The following SRSF3 variants were observed in gnomAD, a reference collection of about 807,000 sequenced individuals.
SRSF3 encodes the protein serine and arginine rich splicing factor 3.
For synonymous variants in SRSF3, 87 were observed against 73.6 expected (o/e 1.18, Z -0.93); for missense variants, 58 against 217.1 (o/e 0.27, Z 4.61).
chr6:36,597,831 C>G (rs867861562), intron 2 of SRSF3, among the ~76,000 whole-genome samples: 2 of 142,534 alleles, frequency 1.4e-5, no homozygotes, highest in African/African-American at 5.3e-5. Flanking sequence ...CTACTGTGAG[C>G]TATAATTTCT....
chr6:36,596,700 A>G, intron 1 of SRSF3, 61 bp from the exon 2 acceptor site: 1 of 1,459,542 alleles, frequency 6.9e-7, no homozygotes, highest in Non-Finnish European at 9.6e-7. Context: ...CTTTCTAAGG[A>G]TCTGTGGTTT....
At position 36,599,139 on chromosome 6, in the gene SRSF3, T is replaced by G. The variant is rs545786867; in HGVS notation, c.341+156T>G. Among the ~76,000 whole-genome samples the G allele has an allele frequency of 1.2e-4, 18 of 152,350 alleles. No homozygotes were observed. In the South Asian group the frequency reaches 2.7e-3, roughly 23 times the overall value. On this transcript the variant is annotated intron_variant, in intron 3 of 5. Coordinates refer to ENST00000373715, the MANE Select transcript of SRSF3 (RefSeq NM_003017.5). ...GGTGTAATTTGGGGTATGTGAGTTG[T>G]GCTGAGTGTTGGCTTTTGTCTTTAG... is the stretch of plus-strand genomic sequence containing the variant.
At chr6:36,595,746 TCTTTGGGCTACTGTGA>T (rs1412435663) in intron 1 of SRSF3, among the ~76,000 whole-genome samples, 1 of 152,216 alleles carries the variant, frequency 6.6e-6, no homozygotes, top group African/African-American at 2.4e-5. Context: ...TGGGTTAACA[TCTTTGGGCTACTGTGA>T]ATAAGTGCTA....
intron 3 of SRSF3, 85 bp from the exon 4 acceptor site, chr6:36,601,067 A>G: frequency 9.5e-7 from 1 of 1,049,208 alleles, no homozygotes; most frequent in Non-Finnish European, 1.3e-6. Flanking sequence ...CACTGGGCCC[A>G]ACAGTGAGAT....
rs909943055 is a variant in SRSF3, at chr6:36,602,836, G to T, written c.*847G>T. On this transcript the variant is annotated 3_prime_UTR_variant, in exon 6 of 6. Transcript: ENST00000373715. ...CTCAAATCTGTGAGCTTGGTACCAAGTCCAGGTATAACATTCCTATTGGAA... is the reference window on the plus strand; with the variant it reads ...CTCAAATCTGTGAGCTTGGTACCAATTCCAGGTATAACATTCCTATTGGAA... The T allele has an allele frequency of 4.8e-6, 1 of 208,330 alleles. No individual in the cohort carries two copies. Among genetic ancestry groups the T allele is most frequent in the Non-Finnish European group, 9.8e-6 (1 of 102,012 alleles). 12.9% of individuals were successfully genotyped at this position (208,330 alleles called of 1,614,324 possible).
chr6:36,595,224 C>G (rs1397189566), intron 1 of SRSF3, among the ~76,000 whole-genome samples: 3 of 152,138 alleles, frequency 2.0e-5, no homozygotes, highest in African/African-American at 4.8e-5. Context: ...TGAAACTGGT[C>G]TACAAGTTTA....
intron 4 of SRSF3, 97 bp from the exon 5 acceptor site, chr6:36,601,611 T>G: frequency 8.4e-7 from 1 of 1,188,460 alleles, no homozygotes; most frequent in South Asian, 1.5e-5. Context: ...CCCAAAATAT[T>G]GGAATTATTG....
In SRSF3 at chr6:36,604,772, C is replaced by T. The variant is rs1778784176; in HGVS notation, c.*2783C>T. ...ATTTCAGAATAGATACAGCCAGACTCCAGGCTCATTGACTTAGTTTTTCAG... is the reference window on the plus strand; with the variant it reads ...ATTTCAGAATAGATACAGCCAGACTTCAGGCTCATTGACTTAGTTTTTCAG... On this transcript the variant is annotated 3_prime_UTR_variant, in exon 6 of 6. Coordinates refer to ENST00000373715, the MANE Select transcript of SRSF3 (RefSeq NM_003017.5). 1 of 152,260 alleles carries T rather than the reference C, an allele frequency of 6.6e-6. No individual in the cohort carries two copies. The highest frequency in any genetic ancestry group is 6.5e-5 in the Admixed American group (1 of 15,278). The allele number at this position is 152,260 out of a possible 1,614,324, so 9.4% of individuals were successfully genotyped here.
intron 3 of SRSF3, chr6:36,599,602 C>G: frequency 2.8e-6 from 1 of 351,354 alleles, no homozygotes; most frequent in South Asian, 2.2e-5. Flanking sequence ...AAAATAGTTT[C>G]TATAGGACTA....
At position 36,602,669 on chromosome 6, in the gene SRSF3, A is replaced by G. The variant is rs1778737344; in HGVS notation, c.*680A>G. 2 of 214,604 alleles carry G rather than the reference A, an allele frequency of 9.3e-6. No individual in the cohort carries two copies. The highest frequency in any genetic ancestry group is 1.4e-4 in the East Asian group (2 of 14,342). The allele number at this position is 214,604 out of a possible 1,614,324, so 13.3% of individuals were successfully genotyped here. On this transcript the variant is annotated 3_prime_UTR_variant, in exon 6 of 6. Transcript: ENST00000373715. ...AAAAATGTCCTGCCAGTTTAAGGGTACATTGTAGAGCCGAACTTTGAGTTA... is the reference window on the plus strand; with the variant it reads ...AAAAATGTCCTGCCAGTTTAAGGGTGCATTGTAGAGCCGAACTTTGAGTTA...
rs183322138 is a variant in SRSF3 at position 36,603,900 on chromosome 6, A to C, written c.*1911A>C. 4 of 230,402 alleles carry C rather than the reference A, an allele frequency of 1.7e-5. No homozygotes were observed. The highest frequency in any genetic ancestry group is 6.2e-5 in the East Asian group (1 of 16,120). The allele number at this position is 230,402 out of a possible 1,614,324, so 14.3% of individuals were successfully genotyped here. ...TTGGAAGGGTTTCTGTAAAAAGGACAGTTACGGGTATAATATGGCTAAGAG... is the reference window on the plus strand; with the variant it reads ...TTGGAAGGGTTTCTGTAAAAAGGACCGTTACGGGTATAATATGGCTAAGAG... On this transcript the variant is annotated 3_prime_UTR_variant, in exon 6 of 6. Transcript: ENST00000373715.
Position 36,598,999 on chromosome 6 carries a change from C to CT in SRSF3, c.341+18dup. ...CTCGTCGCAGGTACTTGAGAGAAAG[C>CT]TTGTTAAGAGGTATTGGTGTAATGG... On this transcript the variant is annotated intron_variant, in intron 3 of 5. Coordinates refer to ENST00000373715, the MANE Select transcript of SRSF3 (RefSeq NM_003017.5). The CT allele has an allele frequency of 6.2e-7, 1 of 1,613,584 alleles. No individual in the cohort carries two copies. The highest frequency in any genetic ancestry group is 8.5e-7 in the Non-Finnish European group (1 of 1,179,784).
intron 1 of SRSF3, among the ~76,000 whole-genome samples, chr6:36,596,134 A>T (rs570082147): frequency 1.4e-4 from 21 of 152,246 alleles, no homozygotes; most frequent in Admixed American, 1.1e-3. Flanking sequence ...CATATTGGCC[A>T]GGCTGGGTCG....
chr6:36,597,775 G>A (rs1462852777), intron 2 of SRSF3, among the ~76,000 whole-genome samples: 3 of 149,948 alleles, frequency 2.0e-5, no homozygotes, highest in Non-Finnish European at 4.4e-5. Context: ...TTTAATGACT[G>A]GTTGTATTAA....
At chr6:36,596,483 AGTT>A (rs1056700643) in intron 1 of SRSF3, among the ~76,000 whole-genome samples, 7 of 143,946 alleles carry the variant, frequency 4.9e-5, no homozygotes, top group Admixed American at 2.9e-4. Flanking sequence ...ATGCTCCTCC[AGTT>A]GTTCTCAACG....
Position 36,597,858 on chromosome 6 carries a change from ATATT to A in SRSF3, c.206+895_206+898del, listed in dbSNP as rs768019006. ...ATAATTTCTTTTTTTAAAAAAATGTATATTTATTATTTAAAAAATAATACAGACG... is the reference window on the plus strand; with the variant it reads ...ATAATTTCTTTTTTTAAAAAAATGTATATTATTTAAAAAATAATACAGACG... On this transcript the variant is annotated intron_variant, in intron 2 of 5. Coordinates refer to ENST00000373715, the MANE Select transcript of SRSF3 (RefSeq NM_003017.5). 4.8e-4 allele frequency among the ~76,000 whole-genome samples: 70 copies of A among 145,246 alleles called. 1 individual carries two copies. Among genetic ancestry groups the A allele is most frequent in the Non-Finnish European group, 7.7e-4 (51 of 66,222 alleles).
At chr6:36,600,867 A>G (rs922267459) in intron 3 of SRSF3, 15 of 285,392 alleles carry the variant, frequency 5.3e-5, no homozygotes, top group African/African-American at 8.8e-5. Flanking sequence ...TTAGTTTGAC[A>G]TGAAGTTTTG....
rs1025962408 is a variant in SRSF3, at chr6:36,605,503, A to T, written c.*3514A>T. ...ACTTCGTCTCCAAAAAAAAAAAAAA[A>T]GTTTGTTTTGGTAAGCCTAGTATAA... On this transcript the variant is annotated 3_prime_UTR_variant, in exon 6 of 6. Coordinates refer to ENST00000373715, the MANE Select transcript of SRSF3 (RefSeq NM_003017.5). The T allele has an allele frequency of 6.6e-6, 1 of 150,908 alleles. No homozygotes were observed. Among genetic ancestry groups the T allele is most frequent in the Non-Finnish European group, 1.5e-5 (1 of 67,768 alleles). The allele number at this position is 150,908 out of a possible 1,614,324, so 9.3% of individuals were successfully genotyped here. A position where few individuals can be genotyped will look rare whatever the true frequency, so the allele number is the denominator to read the frequency against.
At position 36,600,995 on chromosome 6, in the gene SRSF3, T is replaced by TTTTTTC. The variant is rs1396858476; in HGVS notation, c.342-151_342-146dup. On this transcript the variant is annotated intron_variant, in intron 3 of 5. Coordinates refer to ENST00000373715, the MANE Select transcript of SRSF3 (RefSeq NM_003017.5). ...TTCTGTGCCTTTTTTTTCTTTTCTT[T>TTTTTTC]TTTTTCTTTTTTTTTTTTTTTTTTT... 2.7e-5 allele frequency: 12 copies of TTTTTTC among 442,538 alleles called. 1 individual carries two copies. The highest frequency in any genetic ancestry group is 2.7e-4 in the East Asian group (6 of 22,376). The allele number at this position is 442,538 out of a possible 1,614,324, so 27.4% of individuals were successfully genotyped here.
Sources: allele counts gnomAD v4.1 joint callset (sites outside exome capture counted in the v4.1 genomes callset), GRCh38; gene constraint gnomAD v4.1.1; transcripts MANE v1.5; gene names NCBI Gene and HGNC (gene_info 2026-07-23, HGNC 2026-07-21).